Variants in LEKR1 observed in about 807,000 individuals in gnomAD.
LEKR1 encodes the protein leucine, glutamate and lysine rich 1, also known as protein LEKR1.
Under a neutral mutation model 72.4 loss-of-function variants are expected in LEKR1, and 59 were observed. That is an observed-to-expected ratio of 0.82 (90% CI 0.66 to 1.01). The LOEUF is 1.01. LEKR1 is among the 50% of genes least tolerant of loss of function. The pLI, the probability that LEKR1 is intolerant of heterozygous loss-of-function variation, is 0.00. For synonymous variants in LEKR1, 257 were observed against 263.2 expected (o/e 0.98, Z 0.23); for missense variants, 728 against 759.2 (o/e 0.96, Z 0.48).
At chr3:157,016,665 C>T (rs968476094) in intron 10 of LEKR1, among the ~76,000 whole-genome samples, 4 of 151,998 alleles carry the variant, frequency 2.6e-5, no homozygotes, top group East Asian at 1.9e-4. Context: ...GAAATAGTAA[C>T]ACTGTGGGTA....
intron 4 of LEKR1, among the ~76,000 whole-genome samples, chr3:156,925,552 T>C (rs1278881075): frequency 6.6e-6 from 1 of 152,052 alleles, no homozygotes; most frequent in African/African-American, 2.4e-5. Context: ...TTGCCTCTTA[T>C]TTCACAGAGA....
chr3:156,939,160 A>G (rs1042718087), intron 5 of LEKR1, among the ~76,000 whole-genome samples: 3 of 152,184 alleles, frequency 2.0e-5, no homozygotes, highest in Non-Finnish European at 4.4e-5. Flanking sequence ...TACCTCCTAC[A>G]GTAATTATAT....
intron 2 of LEKR1, among the ~76,000 whole-genome samples, chr3:156,838,286 C>T (rs549463554): frequency 5.3e-5 from 8 of 152,326 alleles, no homozygotes; most frequent in African/African-American, 9.6e-5. Flanking sequence ...GTACAGTCTC[C>T]TGGGCTTTCA....
intron 6 of LEKR1, among the ~76,000 whole-genome samples, chr3:156,975,822 T>C (rs1693661616): frequency 6.6e-6 from 1 of 152,224 alleles, no homozygotes; most frequent in African/African-American, 2.4e-5. Flanking sequence ...TTCCATGGGT[T>C]CTGCCTTACA....
chr3:156,834,111 A>G (rs1712801883), intron 2 of LEKR1, among the ~76,000 whole-genome samples: 1 of 152,104 alleles, frequency 6.6e-6, no homozygotes, highest in Non-Finnish European at 1.5e-5. Flanking sequence ...GATTTTCCTA[A>G]ACATCCCCCC....
At chr3:156,845,538 T>TAAA (rs1206990588) in intron 2 of LEKR1, among the ~76,000 whole-genome samples, 2 of 150,410 alleles carry the variant, frequency 1.3e-5, no homozygotes, top group Non-Finnish European at 3.0e-5. Context: ...GTTCCTTTTT[T>TAAA]AAAAAAAAAA....
At position 157,012,672 on chromosome 3, in the gene LEKR1, T is replaced by A. The variant is rs866047077; in HGVS notation, c.1203+1166T>A. 5.9e-4 allele frequency among the ~76,000 whole-genome samples: 89 copies of A among 152,076 alleles called. 2 individuals are homozygous for A. The highest frequency in any genetic ancestry group is 2.1e-3 in the African/African-American group (88 of 41,420). On this transcript the variant is annotated intron_variant, in intron 10 of 12. Transcript: ENST00000356539. ...ATCAGGGTACACAGTCACGAAATAATAAAAATGATCACTGTAAAAACAGTA... is the reference window on the plus strand; with the variant it reads ...ATCAGGGTACACAGTCACGAAATAAAAAAAATGATCACTGTAAAAACAGTA...
intron 7 of LEKR1, among the ~76,000 whole-genome samples, chr3:156,982,082 T>C (rs1157563155): frequency 6.6e-6 from 1 of 152,224 alleles, no homozygotes; most frequent in African/African-American, 2.4e-5. Flanking sequence ...GGGTTCTTTT[T>C]CCAAGATTTT....
At chr3:156,999,995 A>G (rs1003980460) in intron 9 of LEKR1, among the ~76,000 whole-genome samples, 23 of 152,190 alleles carry the variant, frequency 1.5e-4, no homozygotes, top group African/African-American at 5.1e-4. Flanking sequence ...TTTGTCTTGA[A>G]GGGCTAAGTT....
chr3:157,038,938 A>C (rs1405539005), intron 12 of LEKR1, among the ~76,000 whole-genome samples: 2 of 152,218 alleles, frequency 1.3e-5, no homozygotes, highest in Non-Finnish European at 2.9e-5. Context: ...GATGAGCTAC[A>C]GCATTTTTTT....
chr3:157,016,726 G>T (rs980154220), intron 10 of LEKR1, among the ~76,000 whole-genome samples: 1 of 152,034 alleles, frequency 6.6e-6, no homozygotes, highest in African/African-American at 2.4e-5. Context: ...TATAATTGAT[G>T]ATATTTATAA....
At chr3:156,857,476 A>C (rs979039518) in intron 3 of LEKR1, among the ~76,000 whole-genome samples, 2 of 152,188 alleles carry the variant, frequency 1.3e-5, no homozygotes, top group Admixed American at 1.3e-4. Flanking sequence ...GTATATAGCT[A>C]CAGGTTGAGT....
At chr3:156,846,970 G>A (rs901990934) in intron 2 of LEKR1, among the ~76,000 whole-genome samples, 5 of 151,974 alleles carry the variant, frequency 3.3e-5, no homozygotes, top group African/African-American at 4.8e-5. Context: ...ACACCACCAC[G>A]CCTGGCTAAT....
intron 6 of LEKR1, among the ~76,000 whole-genome samples, chr3:156,961,729 C>T (rs1259653731): frequency 6.6e-6 from 1 of 152,088 alleles, no homozygotes; most frequent in East Asian, 1.9e-4. Flanking sequence ...ACTGTTTAGG[C>T]CTTGTATAGG....
chr3:156,858,145 A>G (rs1231287967), intron 3 of LEKR1, among the ~76,000 whole-genome samples: 1 of 152,100 alleles, frequency 6.6e-6, no homozygotes, highest in Non-Finnish European at 1.5e-5. Flanking sequence ...CTGGATGTTT[A>G]GTATTATAGA....
chr3:156,874,058 G>A (rs1718281932), intron 3 of LEKR1, among the ~76,000 whole-genome samples: 1 of 152,044 alleles, frequency 6.6e-6, no homozygotes, highest in Non-Finnish European at 1.5e-5. Context: ...GACTTGGGAA[G>A]TGTTCATCTG....
At chr3:156,979,715 A>T (rs1369594523) in intron 7 of LEKR1, 1 of 152,722 alleles carries the variant, frequency 6.5e-6, no homozygotes. Context: ...TGAAATGCTG[A>T]AGTACTTATG....
chr3:156,865,809 T>C (rs1179721754), intron 3 of LEKR1, among the ~76,000 whole-genome samples: 2 of 152,028 alleles, frequency 1.3e-5, no homozygotes, highest in African/African-American at 4.8e-5. Flanking sequence ...CCTTACACGT[T>C]TTTTCCTGTT....
At chr3:156,866,285 G>A (rs1000850973) in intron 3 of LEKR1, among the ~76,000 whole-genome samples, 5 of 152,012 alleles carry the variant, frequency 3.3e-5, no homozygotes, top group Admixed American at 2.6e-4. Context: ...TTCTGTGAAG[G>A]TTCTGTTCAA....
Sources: allele counts gnomAD v4.1 joint callset (sites outside exome capture counted in the v4.1 genomes callset), GRCh38; gene constraint gnomAD v4.1.1; transcripts MANE v1.5; gene names NCBI Gene and HGNC (gene_info 2026-07-23, HGNC 2026-07-21).